MAPKAPK3: variants seen among roughly 807,000 people sequenced by gnomAD.
The protein encoded by MAPKAPK3 is MAPK activated protein kinase 3.
In MAPKAPK3, 35 loss-of-function variants were observed where a neutral mutation model predicts 49.2. The ratio of observed to expected loss-of-function variants is 0.71; its 90% CI spans 0.54 to 0.94. The LOEUF is 0.94. MAPKAPK3 is among the 40% of genes least tolerant of loss of function. The pLI, the probability that MAPKAPK3 is intolerant of heterozygous loss-of-function variation, is 0.00. For missense variants in MAPKAPK3, 398 were observed against 493.1 expected (o/e 0.81, Z 1.83); for synonymous variants, 178 against 188.7 (o/e 0.94, Z 0.46).
intron 5 of MAPKAPK3, 140 bp downstream of exon 5, chr3:50,642,472 T>A: frequency 1.5e-6 from 1 of 653,744 alleles, no homozygotes. Flanking sequence ...TGTCCCAGAC[T>A]GCTTTTCTCA....
At chr3:50,639,976 A>G (rs552472965) in intron 2 of MAPKAPK3, among the ~76,000 whole-genome samples, 1 of 152,276 alleles carries the variant, frequency 6.6e-6, no homozygotes, top group East Asian at 1.9e-4. Flanking sequence ...TGTCATCCTT[A>G]TGGTAAAAAT....
At chr3:50,645,393 C>G (rs1176679513) in intron 6 of MAPKAPK3, among the ~76,000 whole-genome samples, 1 of 152,212 alleles carries the variant, frequency 6.6e-6, no homozygotes, top group East Asian at 1.9e-4. Context: ...GGCCAAGACC[C>G]TCTCACCTAC....
chr3:50,619,046 C>T (rs1383082908), intron 2 of MAPKAPK3, among the ~76,000 whole-genome samples: 4 of 152,204 alleles, frequency 2.6e-5, no homozygotes, highest in Non-Finnish European at 5.9e-5. Flanking sequence ...TGGCTAATAG[C>T]TATCCTGTGT....
rs923837412 is a variant in MAPKAPK3, at chr3:50,617,929, G to A, written c.219+145G>A. 4.7e-6 allele frequency: 3 copies of A among 641,822 alleles called. No homozygotes were observed. In the African/African-American group the frequency reaches 5.5e-5, roughly 12 times the overall value. 39.8% of individuals were successfully genotyped at this position (641,822 alleles called of 1,614,324 possible). ...CATACTGTCCTGTAAGGTCAGGCTT[G>A]TGGTCCTCCCTACTTCACAGATGGG... On this transcript the variant is annotated intron_variant, in intron 2 of 10. Transcript: ENST00000621469.
At chr3:50,644,628 C>A in intron 6 of MAPKAPK3, 96 bp downstream of exon 6, 1 of 1,339,634 alleles carries the variant, frequency 7.5e-7, no homozygotes, top group Non-Finnish European at 1.0e-6. Context: ...AGGGTTAAAG[C>A]CCAGCAAGGA....
chr3:50,614,500 AGTGTGTGTGTGTGTGT>A (rs3066739), upstream of MAPKAPK3, among the ~76,000 whole-genome samples: 3 of 138,856 alleles, frequency 2.2e-5, no homozygotes, highest in South Asian at 2.4e-4. Flanking sequence ...GTAAGGACAG[AGTGTGTGTGTGTGTGT>A]GTGTGTGTGT....
chr3:50,621,259 A>T (rs1248088990), intron 2 of MAPKAPK3, among the ~76,000 whole-genome samples: 1 of 151,800 alleles, frequency 6.6e-6, no homozygotes, highest in African/African-American at 2.4e-5. Context: ...GGAGTTTAAG[A>T]CCAGTCTTGG....
At chr3:50,611,717 T>A, upstream of MAPKAPK3, 1 of 1,430,494 alleles carries the variant, frequency 7.0e-7, no homozygotes, top group Non-Finnish European at 9.1e-7. Flanking sequence ...AGGGAACCAG[T>A]GGGCGCGGAG....
In MAPKAPK3 at chr3:50,644,519, T is replaced by G. The variant is rs2033244228; in HGVS notation, c.615T>G (p.Thr205=). The change falls in exon 6 of 11, where the codon ACT becomes ACG. Residue 205 remains threonine, a synonymous_variant. Coordinates refer to ENST00000621469, the MANE Select transcript of MAPKAPK3 (RefSeq NM_001243925.2). ...TQNALQTPCY[T]PYYVAPEVLG... Reference sequence around the variant, plus strand: ...ATGCCCTGCAGACACCCTGCTATACTCCCTATTATGTGGGTGAGTCCTTCG... The same window carrying G: ...ATGCCCTGCAGACACCCTGCTATACGCCCTATTATGTGGGTGAGTCCTTCG... 6.2e-7 allele frequency: 1 copy of G among 1,614,012 alleles called. No homozygotes were observed. Among genetic ancestry groups the G allele is most frequent in the African/African-American group, 1.3e-5 (1 of 74,934 alleles).
chr3:50,645,608 C>G, intron 6 of MAPKAPK3, 102 bp from the exon 7 acceptor site: 1 of 862,486 alleles, frequency 1.2e-6, no homozygotes, highest in South Asian at 1.5e-5. Flanking sequence ...GCCCTACCTC[C>G]CAGCCCAGGT....
intron 2 of MAPKAPK3, among the ~76,000 whole-genome samples, chr3:50,632,143 T>G (rs957719628): frequency 1.3e-5 from 2 of 152,274 alleles, no homozygotes; most frequent in Non-Finnish European, 2.9e-5. Flanking sequence ...AGTCTGTGTC[T>G]TTTGCAGAAT....
chr3:50,636,112 A>G (rs1406016516), intron 2 of MAPKAPK3, among the ~76,000 whole-genome samples: 3 of 151,200 alleles, frequency 2.0e-5, no homozygotes, highest in African/African-American at 7.3e-5. Context: ...TTCTGTCTCA[A>G]AAAAAAAATC....
intron 2 of MAPKAPK3, among the ~76,000 whole-genome samples, chr3:50,638,168 T>G (rs2033087780): frequency 6.8e-6 from 1 of 147,474 alleles, no homozygotes; most frequent in South Asian, 2.2e-4. Flanking sequence ...GAGGAGGGAG[T>G]GTGGGAGCCA....
At chr3:50,629,702 C>T (rs867052807) in intron 2 of MAPKAPK3, among the ~76,000 whole-genome samples, 57 of 152,196 alleles carry the variant, frequency 3.7e-4, no homozygotes, top group African/African-American at 1.3e-3. Flanking sequence ...TCCCACTGTT[C>T]TTCCCTCTTC....
intron 2 of MAPKAPK3, among the ~76,000 whole-genome samples, chr3:50,630,247 G>A (rs978717497): frequency 6.6e-6 from 1 of 152,218 alleles, no homozygotes; most frequent in Non-Finnish European, 1.5e-5. Flanking sequence ...AGTTGGCAGT[G>A]ACTCATCCAT....
At chr3:50,641,305 G>A (rs1301147576) in intron 3 of MAPKAPK3, among the ~76,000 whole-genome samples, 1 of 152,182 alleles carries the variant, frequency 6.6e-6, no homozygotes, top group Non-Finnish European at 1.5e-5. Context: ...ATGAAACGTG[G>A]ATCCCAGGGC....
At chr3:50,632,170 G>A (rs1382324246) in intron 2 of MAPKAPK3, among the ~76,000 whole-genome samples, 1 of 152,242 alleles carries the variant, frequency 6.6e-6, no homozygotes, top group African/African-American at 2.4e-5. Context: ...TGAAGGTGTT[G>A]CCAGAAGGTT....
intron 2 of MAPKAPK3, among the ~76,000 whole-genome samples, chr3:50,619,604 G>A (rs986143149): frequency 6.6e-6 from 1 of 152,130 alleles, no homozygotes; most frequent in Admixed American, 6.5e-5. Flanking sequence ...GGCTGGGTGG[G>A]TGAGGGATTG....
chr3:50,648,592 C>T lies in MAPKAPK3; in HGVS notation c.*546C>T, dbSNP rs1013945762. 1.9e-5 allele frequency: 3 copies of T among 154,646 alleles called. No homozygotes were observed. Among genetic ancestry groups the T allele is most frequent in the Admixed American group, 1.9e-4 (3 of 15,728 alleles). 9.6% of individuals were successfully genotyped at this position (154,646 alleles called of 1,614,324 possible). On this transcript the variant is annotated 3_prime_UTR_variant, in exon 11 of 11. Transcript: ENST00000621469. ...TTTCTCACACACTGGCTGGCCCTCT[C>T]ATTCTCACTCCTCCTTGGGCCCTGA...
Sources: gnomAD v4.1 joint callset for allele counts (sites outside exome capture counted in the v4.1 genomes callset) on GRCh38, gnomAD v4.1.1 for gene constraint, MANE v1.5 for transcripts, NCBI Gene and HGNC (gene_info 2026-07-23, HGNC 2026-07-21) for gene names.